The following LMF1 variants were observed in gnomAD, a reference collection of about 807,000 sequenced individuals.
LMF1 encodes transmembrane protein 112.
A neutral mutation model predicts 60.6 loss-of-function variants in LMF1; 68 were observed. The ratio of observed to expected loss-of-function variants is 1.12; its 90% CI spans 0.92 to 1.37. The LOEUF (loss-of-function observed/expected upper bound fraction) is 1.37. Ranked by LOEUF, LMF1 falls within the 40% of genes most tolerant of loss-of-function variation. The pLI is 0.00. For synonymous variants in LMF1, 418 were observed against 324.7 expected (o/e 1.29, Z -3.09); for missense variants, 948 against 767.2 (o/e 1.24, Z -2.78).
At chr16:968,802 A>G (rs956115347) in intron 1 of LMF1, 14 of 152,196 alleles carry the variant, frequency 9.2e-5, no homozygotes, top group African/African-American at 3.1e-4. Flanking sequence ...GCGGAGATCA[A>G]AGGAGCCTCA....
intron 10 of LMF1, among the ~76,000 whole-genome samples, chr16:863,377 G>A (rs1201588566): frequency 1.3e-5 from 2 of 152,186 alleles, no homozygotes; most frequent in East Asian, 1.9e-4. Flanking sequence ...CCTGAGTTCA[G>A]GTGATCCACC....
chr16:933,780 C>T (rs1318393275), intron 3 of LMF1: 4 of 399,810 alleles, frequency 1.0e-5, no homozygotes, highest in East Asian at 1.5e-4. Flanking sequence ...CTGCCCTCTT[C>T]CCACCCTCCA....
At chr16:855,799 C>T (rs1214865710) in intron 10 of LMF1, 8 of 455,904 alleles carry the variant, frequency 1.8e-5, no homozygotes, top group Middle Eastern at 3.2e-4. Context: ...TAGCGACTGT[C>T]TGGGCTGCTG....
chr16:945,888 G>C (rs1370018505), intron 2 of LMF1, among the ~76,000 whole-genome samples: 1 of 152,200 alleles, frequency 6.6e-6, no homozygotes, highest in African/African-American at 2.4e-5. Context: ...GGGTTGCCAA[G>C]TCCCCGCAGG....
Position 909,309 on chromosome 16 carries a change from G to A in LMF1, c.663+1622C>T, listed in dbSNP as rs960599733. ...AGGGGGACAGAGCCCCGAGCTGAAC[G>A]AGATGGAAAGAAGAGCTATGCCCAG... On this transcript the variant is annotated intron_variant, in intron 4 of 10. Coordinates refer to ENST00000262301, the MANE Select transcript of LMF1 (RefSeq NM_022773.4). Among the ~76,000 whole-genome samples, 9 of 152,268 alleles carry A rather than the reference G, an allele frequency of 5.9e-5. 1 individual carries two copies. In the South Asian group the frequency reaches 1.5e-3, roughly 25 times the overall value.
At chr16:875,057 G>T (rs896906094) in intron 6 of LMF1, among the ~76,000 whole-genome samples, 3 of 152,308 alleles carry the variant, frequency 2.0e-5, no homozygotes, top group African/African-American at 7.2e-5. Flanking sequence ...GCAGAGCACA[G>T]CCACGACCCT....
intron 4 of LMF1, among the ~76,000 whole-genome samples, chr16:905,991 C>T (rs926744511): frequency 6.6e-6 from 1 of 152,142 alleles, no homozygotes; most frequent in African/African-American, 2.4e-5. Flanking sequence ...TCTATGTTAC[C>T]TTCAAGAAGT....
chr16:919,775 G>T (rs1370523873), intron 3 of LMF1, among the ~76,000 whole-genome samples: 4 of 152,126 alleles, frequency 2.6e-5, no homozygotes, highest in Non-Finnish European at 5.9e-5. Context: ...TCATGTGGCA[G>T]GGCCGCCCTG....
chr16:964,733 G>C (rs970218990), intron 1 of LMF1, among the ~76,000 whole-genome samples: 2 of 152,218 alleles, frequency 1.3e-5, no homozygotes, highest in African/African-American at 2.4e-5. Flanking sequence ...TGAGAGTTTA[G>C]CAAATACGGG....
intron 4 of LMF1, chr16:893,457 C>T: frequency 2.2e-6 from 1 of 453,230 alleles, no homozygotes; most frequent in Non-Finnish European, 4.5e-6. Flanking sequence ...CTCAGTGCCT[C>T]CAGGATGAGC....
chr16:915,881 G>A (rs1255435699), intron 3 of LMF1, among the ~76,000 whole-genome samples: 2 of 151,172 alleles, frequency 1.3e-5, no homozygotes, highest in Non-Finnish European at 2.9e-5. Context: ...GCCGGAGCAG[G>A]TGAGACTTGG....
At chr16:963,149 G>C (rs189186930) in intron 1 of LMF1, among the ~76,000 whole-genome samples, 6 of 152,084 alleles carry the variant, frequency 3.9e-5, no homozygotes, top group Non-Finnish European at 8.8e-5. Flanking sequence ...GTGGGACACA[G>C]AGGGGACTCG....
At chr16:861,103 G>C (rs771237141) in intron 10 of LMF1, among the ~76,000 whole-genome samples, 36 of 152,100 alleles carry the variant, frequency 2.4e-4, no homozygotes, top group Non-Finnish European at 4.3e-4. Flanking sequence ...TCCAACCCAC[G>C]AACGCGGCCG....
chr16:939,537 G>A (rs1325642190), intron 2 of LMF1, among the ~76,000 whole-genome samples: 7 of 152,356 alleles, frequency 4.6e-5, no homozygotes, highest in Middle Eastern at 3.4e-3. Context: ...CCAGACGGGC[G>A]CGTGGCATCT....
intron 3 of LMF1, among the ~76,000 whole-genome samples, chr16:912,755 G>A (rs1455097726): frequency 1.3e-5 from 2 of 152,202 alleles, no homozygotes; most frequent in African/African-American, 2.4e-5. Flanking sequence ...GGAAGAAAAG[G>A]GTTGCCCTGG....
At chr16:905,777 G>A (rs983512707) in intron 4 of LMF1, among the ~76,000 whole-genome samples, 1 of 152,074 alleles carries the variant, frequency 6.6e-6, no homozygotes, top group African/African-American at 2.4e-5. Context: ...TCCAATGTAT[G>A]TGTTTGTTTC....
chr16:914,137 TC>T, intron 3 of LMF1, among the ~76,000 whole-genome samples: 1 of 150,720 alleles, frequency 6.6e-6, no homozygotes, highest in South Asian at 2.1e-4. Context: ...GACAGGGACA[TC>T]CCCACCACTG....
intron 10 of LMF1, among the ~76,000 whole-genome samples, chr16:860,764 T>TA (rs112436467): frequency 0.041 from 6,232 of 152,046 alleles, 359 homozygotes; most frequent in African/African-American, 0.13. Flanking sequence ...TGCGCTTTTG[T>TA]AAAAAAAACT....
intron 5 of LMF1, among the ~76,000 whole-genome samples, chr16:888,339 GC>G (rs771772709): frequency 2.0e-5 from 3 of 152,212 alleles, no homozygotes; most frequent in Non-Finnish European, 4.4e-5. Flanking sequence ...CAGCTTTCTA[GC>G]AACAGAGTTA....
Sources: allele counts gnomAD v4.1 joint callset (sites outside exome capture counted in the v4.1 genomes callset), GRCh38; gene constraint gnomAD v4.1.1; transcripts MANE v1.5; gene names NCBI Gene and HGNC (gene_info 2026-07-23, HGNC 2026-07-21).